The following LRRC45 variants were observed in gnomAD, a reference collection of about 807,000 sequenced individuals.
LRRC45 encodes leucine-rich repeat-containing protein 45.
Under a neutral mutation model 85.4 loss-of-function variants are expected in LRRC45, and 73 were observed. The observed-to-expected ratio is 0.85, with a 90% CI of 0.71 to 1.04. LRRC45 has a LOEUF of 1.04. Among genes scored for constraint, LRRC45 ranks in the 50% least tolerant of loss-of-function variants. The pLI, the probability that LRRC45 is intolerant of heterozygous loss-of-function variation, is 0.00. For missense variants in LRRC45, 937 were observed against 883.3 expected (o/e 1.06, Z -0.77); for synonymous variants, 429 against 386.0 (o/e 1.11, Z -1.31).
Position 82,025,384 on chromosome 17 carries a change from C to A in LRRC45, c.538C>A (p.Arg180Ser). Residue 180 changes from arginine to serine, a missense_variant, in exon 5 of 17, where the codon CGC becomes AGC. Coordinates refer to ENST00000306688, the MANE Select transcript of LRRC45 (RefSeq NM_144999.4). ...GNTTLQQLDL[R>S]WNNVGLLGGR... is the part of the protein sequence containing the mutation. Reference sequence around the variant, plus strand: ...GACTACAGGTTTCCTTCCAGACCTGCGCTGGAATAACGTTGGCCTCCTGGG... The same window carrying A: ...GACTACAGGTTTCCTTCCAGACCTGAGCTGGAATAACGTTGGCCTCCTGGG... The A allele has an allele frequency of 6.3e-7, 1 of 1,582,482 alleles. No homozygotes were observed. The highest frequency in any genetic ancestry group is 1.2e-5 in the South Asian group (1 of 86,262).
In LRRC45 at chr17:82,030,830, A is replaced by G. The variant is rs762626479; in HGVS notation, c.*25A>G. 7.6e-7 allele frequency: 1 copy of G among 1,318,374 alleles called. No individual in the cohort carries two copies. The highest frequency in any genetic ancestry group is 9.8e-7 in the Non-Finnish European group (1 of 1,022,508). 81.7% of individuals were successfully genotyped at this position (1,318,374 alleles called of 1,614,324 possible). ...AGACAGGCCGGGAGGACCCGGGCGC[A>G]GTAGGAGTGCATCAGGCGGCGCCCG... On this transcript the variant is annotated 3_prime_UTR_variant, in exon 17 of 17. Coordinates refer to ENST00000306688, the MANE Select transcript of LRRC45 (RefSeq NM_144999.4).
At chr17:82,029,851 C>T (rs1475543504) in intron 14 of LRRC45, among the ~76,000 whole-genome samples, 4 of 152,200 alleles carry the variant, frequency 2.6e-5, no homozygotes, top group African/African-American at 9.7e-5. Flanking sequence ...TGTGACTACA[C>T]GCATGGATGG....
At position 82,030,440 on chromosome 17, in the gene LRRC45, CGGCGGCCCTGGAGCGCCAGCTGAAAGGT is replaced by C. The variant is rs1568016987; in HGVS notation, c.1792_1816+3del. ...GCTCAGGAGGCGCTGAGGGAGAAGG[CGGCGGCCCTGGAGCGCCAGCTGAAAGGT>C]GAGCCAGACCCTTGTCCTCCCGCCG... On this transcript the variant is annotated splice_donor_variant and coding_sequence_variant, in exon 16 of 17. Coordinates refer to ENST00000306688, the MANE Select transcript of LRRC45 (RefSeq NM_144999.4). LOFTEE classifies it high-confidence loss of function. 6.5e-7 allele frequency: 1 copy of C among 1,547,512 alleles called. No homozygotes were observed.
chr17:82,024,717 G>A lies in LRRC45; in HGVS notation c.307G>A (p.Ala103Thr). 1 of 1,577,776 alleles carries A rather than the reference G, an allele frequency of 6.3e-7. No individual in the cohort carries two copies. Among genetic ancestry groups the A allele is most frequent in the Non-Finnish European group, 8.6e-7 (1 of 1,165,600 alleles). Residue 103 changes from alanine to threonine, a missense_variant, in exon 3 of 17, where the codon GCC (alanine) becomes ACC (threonine). Physicochemically the swap from Ala to Thr is moderately conservative, Grantham distance 58. Transcript: ENST00000306688. ...GGGCAACAACCTTCGGGCTGCAGGGGCCGAGGCTCTGGGAAAACTCCTCCA... is the reference window on the plus strand; with the variant it reads ...GGGCAACAACCTTCGGGCTGCAGGGACCGAGGCTCTGGGAAAACTCCTCCA... ...LKGNNLRAAG[A>T]EALGKLLQQN...
chr17:82,029,310 C>T (rs1598456394), intron 13 of LRRC45, 125 bp downstream of exon 13: 2 of 1,009,022 alleles, frequency 2.0e-6, no homozygotes, highest in Non-Finnish European at 2.9e-6. Flanking sequence ...ATAGGCCCCA[C>T]CTTGGGGACC....
intron 14 of LRRC45, among the ~76,000 whole-genome samples, 156 bp from the exon 15 acceptor site, chr17:82,029,909 C>G (rs2043402638): frequency 6.6e-6 from 1 of 152,200 alleles, no homozygotes; most frequent in South Asian, 2.1e-4. Context: ...GCCCAGAGGG[C>G]ATCTGGAGGA....
chr17:82,023,983 A>C lies in LRRC45; in HGVS notation c.220+120A>C, dbSNP rs1181998712. The C allele has an allele frequency of 3.0e-6, 3 of 987,710 alleles. No individual in the cohort carries two copies. In the African/African-American group the frequency reaches 4.9e-5, roughly 16 times the overall value. The allele number at this position is 987,710 out of a possible 1,614,324, so 61.2% of individuals were successfully genotyped here. A position where few individuals can be genotyped will look rare whatever the true frequency, so the allele number is the denominator to read the frequency against. ...TTTCTGTGCCGTAGTTAAAGCGAGC[A>C]GGGGCGCCCCTTCCTGCACCTGGGA... On this transcript the variant is annotated intron_variant, in intron 1 of 16. Transcript: ENST00000306688.
Position 82,028,140 on chromosome 17 carries a change from G to C in LRRC45, c.1041G>C (p.Glu347Asp). 6.4e-7 allele frequency: 1 copy of C among 1,566,420 alleles called. No homozygotes were observed. Among genetic ancestry groups the C allele is most frequent in the Non-Finnish European group, 8.6e-7 (1 of 1,156,294 alleles). Reference sequence around the variant, plus strand: ...GGCAGGCCAAGGAGCTCAAGCTGGAGCAGCAGGTGGGTGGGCAGGGCTTGA... The same window carrying C: ...GGCAGGCCAAGGAGCTCAAGCTGGACCAGCAGGTGGGTGGGCAGGGCTTGA... ...SQRQAKELKL[E>D]QQEAAERESK... The change falls in exon 9 of 17, where the codon GAG (glutamate) becomes GAC (aspartate). Residue 347 changes from glutamate to aspartate, a missense_variant. Coordinates refer to ENST00000306688, the MANE Select transcript of LRRC45 (RefSeq NM_144999.4).
chr17:82,025,640 C>A, intron 5 of LRRC45, 133 bp downstream of exon 5: 3 of 1,191,154 alleles, frequency 2.5e-6, no homozygotes, highest in Non-Finnish European at 3.3e-6. Flanking sequence ...CAGGAAGGAG[C>A]GGAGGGGTCG....
chr17:82,024,250 A>G (rs779413909), intron 1 of LRRC45, 28 bp from the exon 2 acceptor site: 1 of 1,609,396 alleles, frequency 6.2e-7, no homozygotes, highest in South Asian at 1.1e-5. Context: ...GCAGGGGCAG[A>G]GAGTGACCGC....
chr17:82,024,675 G>T lies in LRRC45; in HGVS notation c.283-18G>T. 1.3e-6 allele frequency: 2 copies of T among 1,567,272 alleles called. No individual in the cohort carries two copies. The highest frequency in any genetic ancestry group is 2.4e-5 in the South Asian group (2 of 83,636). On this transcript the variant is annotated intron_variant, in intron 2 of 16. Coordinates refer to ENST00000306688, the MANE Select transcript of LRRC45 (RefSeq NM_144999.4). ...CAGTCAGGGCACGCGAGTGACTACC[G>T]GCCTGTTTCTCTCCTAGGGCAACAA...
In LRRC45 at chr17:82,023,875, C is replaced by G. The variant is rs2043339360; in HGVS notation, c.220+12C>G. ...GCTCAGCGAGGAAGGTGGGCAGGCG[C>G]GGCGGGGTGGATCCCTCTGCTCCTT... On this transcript the variant is annotated intron_variant, in intron 1 of 16. Transcript: ENST00000306688. The G allele has an allele frequency of 6.5e-7, 1 of 1,547,762 alleles. No individual in the cohort carries two copies. Among genetic ancestry groups the G allele is most frequent in the East Asian group, 2.4e-5 (1 of 41,292 alleles).
intron 16 of LRRC45, 42 bp from the exon 17 acceptor site, chr17:82,030,567 G>A (rs1296627033): frequency 4.8e-6 from 7 of 1,471,004 alleles, no homozygotes; most frequent in South Asian, 2.6e-5. Context: ...GTGCCACGGT[G>A]CGCTGGGGCT....
chr17:82,024,084 G>T, intron 1 of LRRC45, 194 bp from the exon 2 acceptor site: 1 of 753,866 alleles, frequency 1.3e-6, no homozygotes, highest in Non-Finnish European at 2.1e-6. Flanking sequence ...CGCGTGCAGA[G>T]CCGGCTTGGT....
chr17:82,030,608 G>GTTTTTTAA lies in LRRC45; in HGVS notation c.1817_1818insTTTTTAAT (p.Met607PhefsTer2). Reference sequence around the variant, plus strand: ...CGCTCACTGCGCTCCTTGCCCTGCAGTGATGGCGAGCGACCACCGAGAGGC... The same window carrying GTTTTTTAA: ...CGCTCACTGCGCTCCTTGCCCTGCAGTTTTTTAATGATGGCGAGCGACCACCGAGAGGC... On this transcript the variant is annotated stop_gained and frameshift_variant and splice_region_variant. Coordinates refer to ENST00000306688, the MANE Select transcript of LRRC45 (RefSeq NM_144999.4). LOFTEE classifies it high-confidence loss of function. The GTTTTTTAA allele has an allele frequency of 2.3e-6, 3 of 1,302,990 alleles. No individual in the cohort carries two copies. Among genetic ancestry groups the GTTTTTTAA allele is most frequent in the South Asian group, 1.8e-5 (1 of 56,302 alleles). 80.7% of individuals were successfully genotyped at this position (1,302,990 alleles called of 1,614,324 possible).
chr17:82,025,162 C>A lies in LRRC45; in HGVS notation c.516C>A (p.Thr172=). The change falls in exon 4 of 17, where the codon ACC becomes ACA. Residue 172 remains threonine, a synonymous_variant. Transcript: ENST00000306688. ...EELALALKGN[T]TLQQLDLRWN... ...TGGCCCTAGCCCTGAAGGGCAACAC[C>A]ACCCTCCAGCAGCTGGGTGAGGCCT... is the stretch of plus-strand genomic sequence containing the variant. 1 of 1,598,626 alleles carries A rather than the reference C, an allele frequency of 6.3e-7. No homozygotes were observed. The highest frequency in any genetic ancestry group is 8.5e-7 in the Non-Finnish European group (1 of 1,171,596).
At position 82,030,140 on chromosome 17, in the gene LRRC45, C is replaced by T. The variant is rs777311266; in HGVS notation, c.1570C>T (p.Leu524=). Residue 524 remains leucine, a synonymous_variant, in exon 15 of 17, where the codon CTA becomes TTA. Transcript: ENST00000306688. ...ACGGGACGAGGCGCAGGGCGCTTGC[C>T]TACAGCAGAAGCAGGTGGTGGCCGA... is the stretch of plus-strand genomic sequence containing the variant. ...QARDEAQGAC[L]QQKQVVAEAQ... The T allele has an allele frequency of 1.3e-6, 2 of 1,548,192 alleles. No homozygotes were observed. Among genetic ancestry groups the T allele is most frequent in the South Asian group, 2.4e-5 (2 of 84,006 alleles).
chr17:82,026,958 A>G lies in LRRC45; in HGVS notation c.721A>G (p.Thr241Ala), dbSNP rs907729621. The change falls in exon 6 of 17, where the codon ACT (threonine) becomes GCT (alanine). Residue 241 changes from threonine (T) to alanine (A), a missense_variant. Thr to Ala is a moderately conservative substitution (Grantham distance 58). Coordinates refer to ENST00000306688, the MANE Select transcript of LRRC45 (RefSeq NM_144999.4). Reference sequence around the variant, plus strand: ...CACCTTCCAGGAGAACCAAGCCCGCACTCACGTCCTCAGCAAGGAGGTCCA... The same window carrying G: ...CACCTTCCAGGAGAACCAAGCCCGCGCTCACGTCCTCAGCAAGGAGGTCCA... Reference protein sequence around the residue: ...LTTFQENQARTHVLSKEVQHL... With the variant: ...LTTFQENQARAHVLSKEVQHL... 1.2e-6 allele frequency: 2 copies of G among 1,608,174 alleles called. No individual in the cohort carries two copies. The highest frequency in any genetic ancestry group is 1.7e-6 in the Non-Finnish European group (2 of 1,178,958).
intron 5 of LRRC45, among the ~76,000 whole-genome samples, chr17:82,026,237 C>A (rs1292270069): frequency 6.6e-6 from 1 of 152,250 alleles, no homozygotes; most frequent in Non-Finnish European, 1.5e-5. Flanking sequence ...GAGCTGGGCA[C>A]AGCATTTGCC....
Sources: allele counts gnomAD v4.1 joint callset (sites outside exome capture counted in the v4.1 genomes callset), GRCh38; gene constraint gnomAD v4.1.1; transcripts MANE v1.5; gene names NCBI Gene and HGNC (gene_info 2026-07-23, HGNC 2026-07-21).